Variants in NRG3 observed in about 807,000 individuals in gnomAD.
NRG3 encodes pro-neuregulin-3, membrane-bound isoform.
A neutral mutation model predicts 66.9 loss-of-function variants in NRG3; 31 were observed. The observed-to-expected ratio is 0.46, with a 90% CI of 0.35 to 0.63. The LOEUF is 0.63. Among genes scored for constraint, NRG3 ranks in the 20% least tolerant of loss-of-function variants. The pLI is 0.00. For synonymous variants in NRG3, 393 were observed against 359.4 expected, an observed-to-expected ratio of 1.09 and a Z score of -1.06; for missense variants, 910 against 878.9, an observed-to-expected ratio of 1.04 and a Z score of -0.45.
chr10:82,663,807 T>G (rs2052555068), intron 2 of NRG3, among the ~76,000 whole-genome samples: 1 of 152,198 alleles, frequency 6.6e-6, no homozygotes, highest in South Asian at 2.1e-4. Context: ...AGGTTGGCCA[T>G]CAATAATGGG....
At chr10:81,960,796 T>A (rs942474393) in intron 1 of NRG3, among the ~76,000 whole-genome samples, 2 of 152,010 alleles carry the variant, frequency 1.3e-5, no homozygotes, top group East Asian at 3.9e-4. Context: ...CCACATCCGC[T>A]GATTTCAGGC....
At chr10:82,047,257 A>G (rs563165124) in intron 1 of NRG3, among the ~76,000 whole-genome samples, 1 of 152,154 alleles carries the variant, frequency 6.6e-6, no homozygotes, top group East Asian at 1.9e-4. Flanking sequence ...GAACGCCACA[A>G]AGATACTCCT....
intron 2 of NRG3, among the ~76,000 whole-genome samples, chr10:82,537,324 C>T (rs1847902148): frequency 1.3e-5 from 2 of 152,038 alleles, no homozygotes; most frequent in Non-Finnish European, 2.9e-5. Flanking sequence ...AAAAAATGTT[C>T]TACATATCAA....
intron 1 of NRG3, among the ~76,000 whole-genome samples, chr10:81,905,085 G>A (rs1844459443): frequency 6.6e-6 from 1 of 152,110 alleles, no homozygotes; most frequent in Non-Finnish European, 1.5e-5. Flanking sequence ...CATGAATTTA[G>A]CATCATGCTC....
At chr10:82,458,617 A>G (rs1380442039) in intron 2 of NRG3, among the ~76,000 whole-genome samples, 1 of 152,226 alleles carries the variant, frequency 6.6e-6, no homozygotes, top group Non-Finnish European at 1.5e-5. Flanking sequence ...CTGTCTCTCA[A>G]GAAGGACACA....
chr10:82,266,094 T>C lies in NRG3; in HGVS notation c.824-92645T>C, dbSNP rs73304697. On this transcript the variant is annotated intron_variant, in intron 1 of 8. Coordinates refer to ENST00000372141, the MANE Select transcript of NRG3 (RefSeq NM_001010848.4). ...GAGGGTTTGGGGAGTATAGAAGATG[T>C]AGGAGCTTGAGTCCCACTAAGGGAT... 1.7e-3 allele frequency among the ~76,000 whole-genome samples: 260 copies of C among 152,240 alleles called. 1 individual carries two copies. Among genetic ancestry groups the C allele is most frequent in the African/African-American group, 6.1e-3 (253 of 41,544 alleles).
intron 1 of NRG3, among the ~76,000 whole-genome samples, chr10:82,129,773 C>T (rs2068691573): frequency 6.6e-6 from 1 of 151,984 alleles, no homozygotes; most frequent in Non-Finnish European, 1.5e-5. Context: ...GTTGGTCAGG[C>T]TGGTCTCGAA....
intron 8 of NRG3, among the ~76,000 whole-genome samples, chr10:82,984,107 A>G (rs756392056): frequency 3.9e-5 from 6 of 152,216 alleles, no homozygotes; most frequent in Non-Finnish European, 7.3e-5. Flanking sequence ...CAAAATTTGA[A>G]TGTTTACTGT....
chr10:82,908,243 G>A lies in NRG3; in HGVS notation c.1054+42806G>A, dbSNP rs538984526. Among the ~76,000 whole-genome samples, 4 of 152,286 alleles carry A rather than the reference G, an allele frequency of 2.6e-5. No homozygotes were observed. The East Asian group carries it at 5.8e-4, about 22-fold the overall frequency. On this transcript the variant is annotated intron_variant, in intron 4 of 8. Coordinates refer to ENST00000372141, the MANE Select transcript of NRG3 (RefSeq NM_001010848.4). ...GCACATGTAAGCTGTTAACTCACTA[G>A]GAAGGAACAAGTTTGCAACTGGTGC...
At chr10:82,722,469 C>T (rs973060840) in intron 2 of NRG3, among the ~76,000 whole-genome samples, 1 of 152,034 alleles carries the variant, frequency 6.6e-6, no homozygotes, top group Non-Finnish European at 1.5e-5. Flanking sequence ...ACTATTTGAT[C>T]CATCTTATAT....
chr10:82,466,933 A>T (rs189053253), intron 2 of NRG3, among the ~76,000 whole-genome samples: 16 of 152,078 alleles, frequency 1.1e-4, no homozygotes, highest in African/African-American at 3.9e-4. Flanking sequence ...AAAAAACAAA[A>T]CATATTGGCC....
At chr10:82,114,542 T>C (rs1435537011) in intron 1 of NRG3, among the ~76,000 whole-genome samples, 1 of 152,118 alleles carries the variant, frequency 6.6e-6, no homozygotes, top group Non-Finnish European at 1.5e-5. Context: ...CACACATGCT[T>C]GCACAAGCAT....
intron 2 of NRG3, among the ~76,000 whole-genome samples, chr10:82,737,592 C>T (rs1394723267): frequency 6.6e-6 from 1 of 152,112 alleles, no homozygotes; most frequent in Non-Finnish European, 1.5e-5. Context: ...CAGATTCATC[C>T]TTTAAGCAAC....
chr10:82,500,161 G>GAGC (rs1287893488), intron 2 of NRG3, among the ~76,000 whole-genome samples: 1 of 152,132 alleles, frequency 6.6e-6, no homozygotes, highest in Non-Finnish European at 1.5e-5. Context: ...GGTCATCTCT[G>GAGC]AGCCCCTACA....
At chr10:82,508,794 A>T (rs1256715905) in intron 2 of NRG3, among the ~76,000 whole-genome samples, 2 of 152,216 alleles carry the variant, frequency 1.3e-5, no homozygotes, top group Non-Finnish European at 2.9e-5. Flanking sequence ...TCAGTATAAT[A>T]GTCACCCTAA....
intron 2 of NRG3, among the ~76,000 whole-genome samples, chr10:82,484,784 T>C (rs1430868625): frequency 1.3e-5 from 2 of 152,178 alleles, no homozygotes; most frequent in Non-Finnish European, 2.9e-5. Flanking sequence ...GCAAAGAATA[T>C]AGTTGGACTA....
At chr10:82,812,652 C>T (rs1008972313) in intron 3 of NRG3, among the ~76,000 whole-genome samples, 3 of 152,076 alleles carry the variant, frequency 2.0e-5, no homozygotes, top group Admixed American at 1.3e-4. Context: ...ACTCAGGATG[C>T]AAAAGCAACC....
intron 2 of NRG3, among the ~76,000 whole-genome samples, chr10:82,685,672 T>C (rs184424289): frequency 1.6e-3 from 249 of 152,378 alleles, no homozygotes; most frequent in African/African-American, 5.7e-3. Context: ...TTTTACTGTT[T>C]TGTAGTAATA....
At chr10:82,489,767 C>CT (rs1228450721) in intron 2 of NRG3, among the ~76,000 whole-genome samples, 4 of 152,078 alleles carry the variant, frequency 2.6e-5, no homozygotes, top group African/African-American at 9.7e-5. Context: ...TTATTGTATT[C>CT]TTATCAAAAT....
Sources: gnomAD v4.1 joint callset for allele counts (sites outside exome capture counted in the v4.1 genomes callset) on GRCh38, gnomAD v4.1.1 for gene constraint, MANE v1.5 for transcripts, NCBI Gene and HGNC (gene_info 2026-07-23, HGNC 2026-07-21) for gene names.